The following INTS7 variants were observed in gnomAD, a reference collection of about 807,000 sequenced individuals.
INTS7 encodes the protein integrator complex subunit 7, also known as chromosome 1 open reading frame 73.
Under a neutral mutation model 109.2 loss-of-function variants are expected in INTS7, and 46 were observed. The ratio of observed to expected loss-of-function variants is 0.42; its 90% CI spans 0.33 to 0.54. The LOEUF is 0.54. Among genes scored for constraint, INTS7 ranks in the 20% least tolerant of loss-of-function variants. The probability of loss-of-function intolerance (pLI) is 0.07; values close to 1 mark genes in which losing one functional copy is unlikely to be tolerated. For missense variants in INTS7, 929 were observed against 1,132.4 expected, an observed-to-expected ratio of 0.82 and a Z score of 2.58; for synonymous variants, 412 against 402.9, an observed-to-expected ratio of 1.02 and a Z score of -0.27.
At chr1:212,002,168 C>T (rs1485816039) in intron 7 of INTS7, among the ~76,000 whole-genome samples, 1 of 152,230 alleles carries the variant, frequency 6.6e-6, no homozygotes, top group African/African-American at 2.4e-5. Flanking sequence ...TTTCTCTACA[C>T]TATACCAGGA....
chr1:212,030,703 C>A (rs1667123781), intron 1 of INTS7: 1 of 152,194 alleles, frequency 6.6e-6, no homozygotes, highest in South Asian at 2.1e-4. Context: ...ATGCCTACTT[C>A]TGAATCAATC....
chr1:211,997,299 C>T (rs1207591061), intron 7 of INTS7, among the ~76,000 whole-genome samples: 2 of 152,012 alleles, frequency 1.3e-5, no homozygotes, highest in East Asian at 3.9e-4. Context: ...AATCCTAGCA[C>T]TTTGAGAGGC....
At chr1:211,965,472 A>C (rs1663831256) in intron 16 of INTS7, among the ~76,000 whole-genome samples, 1 of 152,222 alleles carries the variant, frequency 6.6e-6, no homozygotes, top group Admixed American at 6.5e-5. Flanking sequence ...AATAGAAATC[A>C]TTCTATCATA....
intron 4 of INTS7, among the ~76,000 whole-genome samples, chr1:212,016,082 G>A (rs1196151166): frequency 6.6e-6 from 1 of 152,038 alleles, no homozygotes; most frequent in African/African-American, 2.4e-5. Flanking sequence ...TCTATTGTAT[G>A]ATCATAATTT....
At chr1:211,947,052 C>T (rs1662877529) in intron 17 of INTS7, among the ~76,000 whole-genome samples, 1 of 152,166 alleles carries the variant, frequency 6.6e-6, no homozygotes, top group African/African-American at 2.4e-5. Context: ...GTAACTATCA[C>T]ATGGCAAAGT....
At chr1:211,968,465 A>C (rs1355001751) in intron 14 of INTS7, 48 bp downstream of exon 14, 5 of 1,490,458 alleles carry the variant, frequency 3.4e-6, no homozygotes, top group Non-Finnish European at 4.6e-6. Flanking sequence ...TATAACTTCG[A>C]AAACCTCTAA....
chr1:211,964,761 T>C (rs748924879), intron 16 of INTS7, among the ~76,000 whole-genome samples: 2 of 152,104 alleles, frequency 1.3e-5, no homozygotes, highest in Admixed American at 6.6e-5. Flanking sequence ...GGATAACCGA[T>C]GTCATATGCA....
chr1:211,957,396 A>C (rs1298220549), intron 16 of INTS7, among the ~76,000 whole-genome samples: 2 of 152,020 alleles, frequency 1.3e-5, no homozygotes, highest in Non-Finnish European at 2.9e-5. Context: ...AAATACAAAA[A>C]TTTGCTGGGC....
intron 2 of INTS7, 60 bp downstream of exon 2, chr1:212,021,023 A>G (rs931484587): frequency 2.7e-6 from 4 of 1,488,756 alleles, no homozygotes; most frequent in South Asian, 2.6e-5. Context: ...AAAGACCACA[A>G]TATAAAACAA....
At chr1:211,990,836 A>G (rs1485198130) in intron 7 of INTS7, among the ~76,000 whole-genome samples, 1 of 152,230 alleles carries the variant, frequency 6.6e-6, no homozygotes, top group Non-Finnish European at 1.5e-5. Flanking sequence ...GTTAGGCAGA[A>G]TAATTAAAAC....
At chr1:211,984,310 TTTTC>T (rs1376425560) in intron 8 of INTS7, among the ~76,000 whole-genome samples, 2 of 152,150 alleles carry the variant, frequency 1.3e-5, no homozygotes, top group Non-Finnish European at 2.9e-5. Context: ...ATAACTTGTT[TTTTC>T]TTTGTTTTAT....
chr1:212,010,593 G>C (rs765112013), intron 5 of INTS7, among the ~76,000 whole-genome samples: 8 of 152,100 alleles, frequency 5.3e-5, no homozygotes, highest in Non-Finnish European at 8.8e-5. Context: ...CATGACAGAC[G>C]GTGGTCCCAT....
At chr1:212,000,889 A>G (rs1422470594) in intron 7 of INTS7, among the ~76,000 whole-genome samples, 1 of 152,076 alleles carries the variant, frequency 6.6e-6, no homozygotes, top group Admixed American at 6.6e-5. Context: ...CTACTTCTAC[A>G]CTGGATCCCT....
At chr1:211,944,536 G>C (rs1407645050) in intron 19 of INTS7, among the ~76,000 whole-genome samples, 1 of 152,162 alleles carries the variant, frequency 6.6e-6, no homozygotes, top group African/African-American at 2.4e-5. Context: ...TTTTCCCACA[G>C]CTCCAACAGT....
intron 1 of INTS7, among the ~76,000 whole-genome samples, chr1:212,034,173 A>C (rs1245114619): frequency 3.9e-5 from 6 of 152,154 alleles, no homozygotes; most frequent in Admixed American, 3.9e-4. Flanking sequence ...GGAAAAGTTC[A>C]ACATAATTTT....
intron 1 of INTS7, among the ~76,000 whole-genome samples, chr1:212,030,520 C>A (rs1465194408): frequency 6.6e-6 from 1 of 152,072 alleles, no homozygotes; most frequent in Non-Finnish European, 1.5e-5. Flanking sequence ...AACTCCTGAC[C>A]TCAGGTGATC....
At chr1:211,958,612 C>T (rs1663471274) in intron 16 of INTS7, among the ~76,000 whole-genome samples, 1 of 152,048 alleles carries the variant, frequency 6.6e-6, no homozygotes, top group Non-Finnish European at 1.5e-5. Flanking sequence ...TTTCTGTTCC[C>T]CCTTTCCCTC....
At chr1:212,019,635 CAAAT>C (rs1558057219) in intron 3 of INTS7, among the ~76,000 whole-genome samples, 4 of 152,104 alleles carry the variant, frequency 2.6e-5, no homozygotes, top group South Asian at 4.2e-4. Flanking sequence ...GAAATTCTAA[CAAAT>C]AAATTTTTTT....
chr1:211,945,539 G>T (rs778855139), intron 18 of INTS7, among the ~76,000 whole-genome samples: 1 of 152,200 alleles, frequency 6.6e-6, no homozygotes, highest in Non-Finnish European at 1.5e-5. Context: ...TAAATGAAAA[G>T]ATGGAAGAAA....
Sources: gnomAD v4.1 joint callset for allele counts (sites outside exome capture counted in the v4.1 genomes callset) on GRCh38, gnomAD v4.1.1 for gene constraint, MANE v1.5 for transcripts, NCBI Gene and HGNC (gene_info 2026-07-23, HGNC 2026-07-21) for gene names.